Variants in RYR2 observed in about 807,000 individuals in gnomAD.
The protein encoded by RYR2 is ryanodine receptor 2.
RYR2 carries 227 observed loss-of-function variants against 601.1 expected under a neutral mutation model. That is an observed-to-expected ratio of 0.38 (90% CI 0.34 to 0.42). RYR2 has a LOEUF of 0.42. RYR2 is among the 10% of genes least tolerant of loss of function. The pLI is 1.00. For missense variants in RYR2, 4,646 were observed against 6,156.5 expected (o/e 0.75, Z 8.21); for synonymous variants, 2,223 against 2,175.1 (o/e 1.02, Z -0.61).
intron 100 of RYR2, among the ~76,000 whole-genome samples, chr1:237,812,688 A>T (rs536856649): frequency 6.6e-6 from 1 of 152,234 alleles, no homozygotes; most frequent in South Asian, 2.1e-4. Context: ...AGTTGTCATG[A>T]CTGAGATGTA....
intron 17 of RYR2, among the ~76,000 whole-genome samples, chr1:237,477,174 C>T (rs112110357): frequency 6.6e-5 from 10 of 152,258 alleles, no homozygotes; most frequent in South Asian, 4.1e-4. Flanking sequence ...AGGCGGATCA[C>T]GAGGTCAAGA....
intron 1 of RYR2, among the ~76,000 whole-genome samples, chr1:237,139,831 T>C (rs1673185250): frequency 6.6e-6 from 1 of 152,234 alleles, no homozygotes; most frequent in Admixed American, 6.5e-5. Context: ...TGACAGACTC[T>C]ATGGTACTGA....
intron 1 of RYR2, among the ~76,000 whole-genome samples, chr1:237,248,282 G>GCC (rs1171897382): frequency 7.1e-5 from 1 of 14,080 alleles, no homozygotes; most frequent in Non-Finnish European, 1.6e-4. Context: ...CCGCAACCCC[G>GCC]CCCCCCCCCC....
chr1:237,707,359 A>G (rs1327218732), intron 68 of RYR2, 90 bp downstream of exon 68: 2 of 658,754 alleles, frequency 3.0e-6, no homozygotes, highest in Non-Finnish European at 4.7e-6. Context: ...TCCCATCACA[A>G]TTTTTATTAA....
intron 1 of RYR2, among the ~76,000 whole-genome samples, chr1:237,135,194 A>G (rs952536966): frequency 6.6e-6 from 1 of 152,172 alleles, no homozygotes; most frequent in African/African-American, 2.4e-5. Flanking sequence ...TCTTAGTAAC[A>G]GCAACCAAGG....
chr1:237,286,519 T>TGCAC (rs1691577735), intron 2 of RYR2, among the ~76,000 whole-genome samples: 1 of 151,020 alleles, frequency 6.6e-6, no homozygotes, highest in South Asian at 2.1e-4. Context: ...ATATATCTGT[T>TGCAC]AAGTCCATTT....
intron 1 of RYR2, among the ~76,000 whole-genome samples, chr1:237,094,589 T>A (rs6676748): frequency 0.5 from 75,532 of 151,888 alleles, 19,056 homozygotes; most frequent in East Asian, 0.67. Context: ...TATTATTATT[T>A]TTTGAGACGG....
At chr1:237,439,016 T>C (rs765940646) in intron 12 of RYR2, among the ~76,000 whole-genome samples, 31 of 152,236 alleles carry the variant, frequency 2.0e-4, no homozygotes, top group African/African-American at 3.6e-4. Context: ...AGGCCATTAA[T>C]ATAGATATGG....
Position 237,496,567 on chromosome 1 carries a change from G to C in RYR2, c.2018G>C (p.Trp673Ser). 1 of 1,613,964 alleles carries C rather than the reference G, an allele frequency of 6.2e-7. No homozygotes were observed. The highest frequency in any genetic ancestry group is 8.5e-7 in the Non-Finnish European group (1 of 1,179,892). The change falls in exon 20 of 105, where the codon TGG becomes TCG. Residue 673 changes from tryptophan (W) to serine (S), a missense_variant. Around this residue, in one of 17 missense-constraint regions of RYR2, gnomAD observed 1,807 missense variants for 2,088.1 expected, o/e 0.87. Coordinates refer to ENST00000366574, the MANE Select transcript of RYR2 (RefSeq NM_001035.3). Reference sequence around the variant, plus strand: ...GAAGGTTCTGCTCAGTATAAGAAATGGTACTATGAATTGATGGTGGACCAC... The same window carrying C: ...GAAGGTTCTGCTCAGTATAAGAAATCGTACTATGAATTGATGGTGGACCAC... Reference protein sequence around the residue: ...VSEGSAQYKKWYYELMVDHTE... With the variant: ...VSEGSAQYKKSYYELMVDHTE...
At chr1:237,176,580 T>A (rs572476968) in intron 1 of RYR2, among the ~76,000 whole-genome samples, 30 of 151,914 alleles carry the variant, frequency 2.0e-4, no homozygotes, top group South Asian at 1.2e-3. Flanking sequence ...TTATTTATTT[T>A]TTTAAAAAAC....
In RYR2 at chr1:237,599,057, A is replaced by G. The variant is rs1470590213; in HGVS notation, c.4597-2968A>G. On this transcript the variant is annotated intron_variant, in intron 34 of 104. Coordinates refer to ENST00000366574, the MANE Select transcript of RYR2 (RefSeq NM_001035.3). ...AAGAAATGGATAAATTCCTAGATGT[A>G]TACAACCTACCAAGACTGACTTATG... Among the ~76,000 whole-genome samples, 3 of 152,230 alleles carry G rather than the reference A, an allele frequency of 2.0e-5. No homozygotes were observed. In the East Asian group the frequency reaches 5.8e-4, roughly 29 times the overall value.
At chr1:237,378,490 T>C (rs1701209287) in intron 8 of RYR2, among the ~76,000 whole-genome samples, 1 of 152,154 alleles carries the variant, frequency 6.6e-6, no homozygotes, top group East Asian at 1.9e-4. Flanking sequence ...TAAATAAATA[T>C]AAAATGGGGC....
At chr1:237,649,791 T>C (rs1226718268) in intron 49 of RYR2, 86 bp from the exon 50 acceptor site, 9 of 1,106,546 alleles carry the variant, frequency 8.1e-6, no homozygotes, top group African/African-American at 1.6e-5. Context: ...TTCCGGATAG[T>C]GAAATTGTAT....
intron 1 of RYR2, among the ~76,000 whole-genome samples, chr1:237,193,473 A>G (rs775643154): frequency 5.9e-5 from 9 of 152,064 alleles, no homozygotes; most frequent in Non-Finnish European, 1.2e-4. Context: ...AACAAACAAA[A>G]ATATCTTGAA....
chr1:237,759,076 A>T (rs1693194710), intron 82 of RYR2, among the ~76,000 whole-genome samples: 1 of 152,130 alleles, frequency 6.6e-6, no homozygotes, highest in African/African-American at 2.4e-5. Flanking sequence ...CTCAGATTGT[A>T]ATGCTGTTCG....
At chr1:237,290,148 C>T (rs189312084) in intron 2 of RYR2, among the ~76,000 whole-genome samples, 248 of 152,264 alleles carry the variant, frequency 1.6e-3, no homozygotes, top group African/African-American at 5.8e-3. Context: ...CCAAAAGTGT[C>T]ATCAACTGAT....
intron 100 of RYR2, among the ~76,000 whole-genome samples, chr1:237,817,778 G>T (rs902559903): frequency 1.3e-5 from 2 of 152,212 alleles, no homozygotes. Flanking sequence ...GGCCAGAAAT[G>T]AAGCGAAGCA....
At chr1:237,078,738 A>G (rs1487052674) in intron 1 of RYR2, among the ~76,000 whole-genome samples, 2,069 of 136,862 alleles carry the variant, frequency 0.015, 75 homozygotes, top group African/African-American at 0.055. Context: ...AACTATTCCA[A>G]TCAATAGAAA....
chr1:237,546,463 T>G (rs992141690), intron 25 of RYR2, among the ~76,000 whole-genome samples: 11 of 152,148 alleles, frequency 7.2e-5, no homozygotes, highest in African/African-American at 2.4e-4. Flanking sequence ...CTGCAACCTC[T>G]GCCTCCCAGA....
Sources: allele counts gnomAD v4.1 joint callset (sites outside exome capture counted in the v4.1 genomes callset), GRCh38; gene constraint gnomAD v4.1.1; regional missense constraint gnomAD v4.1.1; transcripts MANE v1.5; gene names NCBI Gene and HGNC (gene_info 2026-07-23, HGNC 2026-07-21).